The following KLHL13 variants were observed in gnomAD, a reference collection of about 807,000 sequenced individuals.
KLHL13 encodes the protein kelch-like protein 13.
A neutral mutation model predicts 37.1 loss-of-function variants in KLHL13; 10 were observed. The ratio of observed to expected loss-of-function variants is 0.27; its 90% CI spans 0.17 to 0.46. KLHL13 has a LOEUF of 0.46. Ranked by LOEUF, KLHL13 falls within the 20% of genes least tolerant of loss-of-function variation. The probability of loss-of-function intolerance (pLI) is 1.00; values close to 1 mark genes in which losing one functional copy is unlikely to be tolerated. For synonymous variants in KLHL13, 163 were observed against 181.2 expected, an observed-to-expected ratio of 0.90 and a Z score of 0.81; for missense variants, 360 against 509.3, an observed-to-expected ratio of 0.71 and a Z score of 2.82.
At chrX:117,949,564 C>A (rs1933483923) in intron 1 of KLHL13, among the ~76,000 whole-genome samples, 1 of 111,893 alleles carries the variant, frequency 8.9e-6, no homozygotes, top group African/African-American at 3.2e-5. Flanking sequence ...CTCTTAATTG[C>A]ATCATTTGAC....
At chrX:118,101,413 T>C (rs918893065) in intron 1 of KLHL13, among the ~76,000 whole-genome samples, 1 of 111,530 alleles carries the variant, frequency 9.0e-6, no homozygotes, top group Non-Finnish European at 1.9e-5. Context: ...CCTCAAGGAA[T>C]TCATAATCCA....
At chrX:118,090,872 C>G (rs1203682435) in intron 1 of KLHL13, among the ~76,000 whole-genome samples, 1 of 108,569 alleles carries the variant, frequency 9.2e-6, no homozygotes, top group Admixed American at 9.9e-5. Context: ...AGACTTGGAA[C>G]CAACCCAAAT....
chrX:117,929,130 G>C (rs1290155243), intron 2 of KLHL13, among the ~76,000 whole-genome samples: 2 of 112,137 alleles, frequency 1.8e-5, no homozygotes, highest in Admixed American at 1.9e-4. Context: ...TAAAGTTTTA[G>C]AAGAAACAGA....
chrX:118,057,488 T>C (rs1200953714), intron 1 of KLHL13, among the ~76,000 whole-genome samples: 2 of 112,357 alleles, frequency 1.8e-5, no homozygotes, highest in African/African-American at 6.5e-5. Flanking sequence ...TTGGACTTAA[T>C]CAAAATGTAA....
intron 2 of KLHL13, among the ~76,000 whole-genome samples, chrX:117,936,133 A>G (rs1932756378): frequency 8.9e-6 from 1 of 111,810 alleles, no homozygotes; most frequent in African/African-American, 3.3e-5. Flanking sequence ...GAAAGAATAG[A>G]AGGTTTCCAT....
intron 4 of KLHL13, among the ~76,000 whole-genome samples, chrX:117,910,770 C>A (rs991335793): frequency 8.1e-5 from 9 of 111,559 alleles, no homozygotes; most frequent in African/African-American, 2.9e-4. Context: ...CAACAAATCT[C>A]TCATGTAAAT....
chrX:118,057,329 T>A (rs2054695206), intron 1 of KLHL13, among the ~76,000 whole-genome samples: 1 of 112,322 alleles, frequency 8.9e-6, no homozygotes, highest in African/African-American at 3.2e-5. Context: ...TACATATACA[T>A]TTGTGTATAC....
intron 1 of KLHL13, among the ~76,000 whole-genome samples, chrX:118,013,841 T>C (rs2054097143): frequency 8.9e-6 from 1 of 112,436 alleles, no homozygotes; most frequent in African/African-American, 3.2e-5. Context: ...TTAATACTTT[T>C]ATAATTTCTT....
At chrX:117,901,946 G>C in exon 6 of KLHL13, 1 of 1,042,301 alleles carries the variant, frequency 9.6e-7, no homozygotes, top group Non-Finnish European at 1.3e-6. Context: ...TTCTACTGTG[G>C]CTGTTAAAAA....
upstream of KLHL13, among the ~76,000 whole-genome samples, chrX:117,977,825 T>A (rs1293984935): frequency 1.8e-5 from 2 of 112,295 alleles, no homozygotes; most frequent in Non-Finnish European, 3.8e-5. Context: ...AAATTCTTGA[T>A]ACATTAAGGG....
intron 1 of KLHL13, among the ~76,000 whole-genome samples, chrX:117,965,925 A>C (rs1230898518): frequency 9.0e-6 from 1 of 111,714 alleles, no homozygotes; most frequent in African/African-American, 3.3e-5. Context: ...AGAGCTATCT[A>C]TGACAAACCC....
At chrX:117,900,906 TG>T (rs1343746073) in intron 6 of KLHL13, among the ~76,000 whole-genome samples, 1 of 111,016 alleles carries the variant, frequency 9.0e-6, no homozygotes, top group Non-Finnish European at 1.9e-5. Flanking sequence ...AAGCAGAAAA[TG>T]CATTAAAAAA....
intron 1 of KLHL13, among the ~76,000 whole-genome samples, chrX:117,991,137 T>TAAAAATAAAAAAAAAAAA (rs1556333874): frequency 1.4e-4 from 12 of 83,916 alleles, no homozygotes; most frequent in Non-Finnish European, 2.3e-4. Context: ...CATTAAAAAG[T>TAAAAATAAAAAAAAAAAA]AAAAAAAAAA....
At chrX:118,099,911 G>GAAGA (rs1416323750) in intron 1 of KLHL13, among the ~76,000 whole-genome samples, 1 of 98,810 alleles carries the variant, frequency 1.0e-5, no homozygotes, top group African/African-American at 4.6e-5. Flanking sequence ...AGGAAAGAAG[G>GAAGA]AAGGAAGAAA....
At chrX:117,917,770 A>G (rs1266265376) in intron 4 of KLHL13, among the ~76,000 whole-genome samples, 1 of 111,927 alleles carries the variant, frequency 8.9e-6, no homozygotes, top group Admixed American at 9.5e-5. Flanking sequence ...TAGGCCAACA[A>G]TGTCTCTTGT....
chrX:117,900,015 TC>T (rs1264894181), intron 6 of KLHL13, among the ~76,000 whole-genome samples: 1 of 112,467 alleles, frequency 8.9e-6, no homozygotes. Context: ...GATAATGTCA[TC>T]TCTTATCAGA....
chrX:118,079,785 A>G (rs2054969280), intron 1 of KLHL13, among the ~76,000 whole-genome samples: 1 of 111,861 alleles, frequency 8.9e-6, no homozygotes, highest in Admixed American at 9.6e-5. Context: ...GAATTAGAAA[A>G]AACTATTCTA....
intron 1 of KLHL13, among the ~76,000 whole-genome samples, chrX:118,053,659 T>C (rs1602686996): frequency 1.0e-5 from 1 of 98,549 alleles, no homozygotes; most frequent in Admixed American, 1.0e-4. Context: ...AAAGAAAACA[T>C]AATGAAACAA....
At position 118,037,860 on chromosome X, in the gene KLHL13, T is replaced by A. The variant is rs185568190; in HGVS notation, c.-56+78648A>T. Among the ~76,000 whole-genome samples the A allele has an allele frequency of 5.4e-3, 598 of 111,557 alleles. 1 individual carries two copies. Among genetic ancestry groups the A allele is most frequent in the Non-Finnish European group, 8.9e-3 (475 of 53,073 alleles). Reference sequence around the variant, plus strand: ...GTTCTTCTACAGTCAAGAACTGAGATAAGAGCCCAGACAATGTCTATGAGG... The same window carrying A: ...GTTCTTCTACAGTCAAGAACTGAGAAAAGAGCCCAGACAATGTCTATGAGG... On this transcript the variant is annotated intron_variant, in intron 1 of 6. Transcript: ENST00000371882.
Sources: allele counts gnomAD v4.1 joint callset (sites outside exome capture counted in the v4.1 genomes callset), GRCh38; gene constraint gnomAD v4.1.1; transcripts MANE v1.5; gene names NCBI Gene and HGNC (gene_info 2026-07-23, HGNC 2026-07-21).